Variants in STK32A observed in about 807,000 individuals in gnomAD.
STK32A encodes the protein serine/threonine-protein kinase 32A.
Under a neutral mutation model 53.2 loss-of-function variants are expected in STK32A, and 41 were observed. That is an observed-to-expected ratio of 0.77 (90% CI 0.60 to 1.00). The LOEUF (loss-of-function observed/expected upper bound fraction) is 1.00. Among genes scored for constraint, STK32A ranks in the 50% least tolerant of loss-of-function variants. STK32A has a pLI of 0.00. For missense variants in STK32A, 458 were observed against 485.8 expected, an observed-to-expected ratio of 0.94 and a Z score of 0.54; for synonymous variants, 166 against 162.8, an observed-to-expected ratio of 1.02 and a Z score of -0.15.
the STK32A span, among the ~76,000 whole-genome samples, chr5:147,396,079 G>T: frequency 2.4e-4 from 37 of 152,240 alleles, no homozygotes; most frequent in Non-Finnish European, 4.6e-4. Flanking sequence ...CAGCTGAAGT[G>T]GGAGTGATTA....
At chr5:147,286,183 C>T (rs1229701948) in intron 4 of STK32A, among the ~76,000 whole-genome samples, 1 of 151,872 alleles carries the variant, frequency 6.6e-6, no homozygotes, top group Non-Finnish European at 1.5e-5. Flanking sequence ...AATTGAAAAC[C>T]AAACATCATA....
At chr5:147,379,642 C>T (rs557287591) in intron 11 of STK32A, among the ~76,000 whole-genome samples, 71 of 152,192 alleles carry the variant, frequency 4.7e-4, no homozygotes, top group African/African-American at 1.5e-3. Context: ...TCTTGCTCTG[C>T]TCAACATCTT....
chr5:147,375,305 C>A (rs1280300479), intron 11 of STK32A, 87 bp downstream of exon 11: 3 of 1,489,840 alleles, frequency 2.0e-6, no homozygotes, highest in East Asian at 2.4e-5. Flanking sequence ...GAGGTCATTT[C>A]AGCTTCCTGC....
intron 7 of STK32A, among the ~76,000 whole-genome samples, chr5:147,361,227 AG>A (rs1336738074): frequency 6.6e-6 from 1 of 152,200 alleles, no homozygotes; most frequent in Non-Finnish European, 1.5e-5. Flanking sequence ...CACATATTTG[AG>A]GCCCAATAGG....
At chr5:147,308,254 G>A (rs1288362983) in intron 4 of STK32A, among the ~76,000 whole-genome samples, 4 of 151,776 alleles carry the variant, frequency 2.6e-5, no homozygotes, top group South Asian at 4.2e-4. Context: ...AGTTTTTCAT[G>A]TAGAGGTCTA....
At position 147,387,549 on chromosome 5, in the gene STK32A, C is replaced by T. The variant is rs2152010872; in HGVS notation, c.*3566C>T. The T allele has an allele frequency of 6.6e-6, 1 of 152,306 alleles. No individual in the cohort carries two copies. Among genetic ancestry groups the T allele is most frequent in the South Asian group, 2.1e-4 (1 of 4,826 alleles). The allele number at this position is 152,306 out of a possible 1,614,324, so 9.4% of individuals were successfully genotyped here. A position where few individuals can be genotyped will look rare whatever the true frequency, so the allele number is the denominator to read the frequency against. On this transcript the variant is annotated 3_prime_UTR_variant, in exon 13 of 13. Coordinates refer to ENST00000397936, the MANE Select transcript of STK32A (RefSeq NM_001112724.2). ...AGGCAGTAATGCTAAGGCTTTAGCT[C>T]TTCAAAAGCAGAATGAAAAGGCACA...
the STK32A span, among the ~76,000 whole-genome samples, chr5:147,396,369 C>T: frequency 6.6e-6 from 1 of 152,182 alleles, no homozygotes; most frequent in African/African-American, 2.4e-5. Context: ...GGGCCTTTGG[C>T]CATGGGAAAC....
chr5:147,324,422 A>AAAAG (rs1754478914), intron 5 of STK32A, among the ~76,000 whole-genome samples: 1 of 152,208 alleles, frequency 6.6e-6, no homozygotes, highest in Non-Finnish European at 1.5e-5. Context: ...AAATAGAATG[A>AAAAG]AAAGAAAGAA....
chr5:147,318,615 A>C, intron 4 of STK32A, among the ~76,000 whole-genome samples: 1 of 151,948 alleles, frequency 6.6e-6, no homozygotes, highest in Non-Finnish European at 1.5e-5. Context: ...AAATTAAAAA[A>C]AAAAAAAAGA....
In STK32A at chr5:147,386,572, A is replaced by C. The variant is rs894655802; in HGVS notation, c.*2589A>C. The C allele has an allele frequency of 1.3e-5, 2 of 152,168 alleles. No homozygotes were observed. The highest frequency in any genetic ancestry group is 4.8e-5 in the African/African-American group (2 of 41,454). 9.4% of individuals were successfully genotyped at this position (152,168 alleles called of 1,614,324 possible). On this transcript the variant is annotated 3_prime_UTR_variant, in exon 13 of 13. Coordinates refer to ENST00000397936, the MANE Select transcript of STK32A (RefSeq NM_001112724.2). ...TTCACACGTATACATTTATGATGGG[A>C]TGGGAACCCGATACAATCTCTGTAG...
chr5:147,343,355 C>G, intron 6 of STK32A: 1 of 475,800 alleles, frequency 2.1e-6, no homozygotes, highest in South Asian at 1.9e-5. Context: ...ATATAACACG[C>G]AATCACCTAT....
downstream of STK32A, chr5:147,392,778 C>T (rs1392559250): frequency 6.6e-6 from 1 of 152,166 alleles, no homozygotes; most frequent in Non-Finnish European, 1.5e-5. Context: ...CAAAGTTCCC[C>T]CAGAGTTTCT....
intron 2 of STK32A, among the ~76,000 whole-genome samples, chr5:147,246,506 T>C (rs1268057988): frequency 1.3e-5 from 2 of 152,230 alleles, no homozygotes; most frequent in Non-Finnish European, 2.9e-5. Context: ...ATCTCAGTCT[T>C]CTGCTATTTT....
chr5:147,400,663 G>C, the STK32A span: 7 of 1,608,514 alleles, frequency 4.4e-6, no homozygotes, highest in Non-Finnish European at 5.9e-6. Context: ...TTTGGCTCTG[G>C]CCACCCTCCC....
At chr5:147,335,043 T>C (rs1005897137) in intron 5 of STK32A, among the ~76,000 whole-genome samples, 13 of 152,172 alleles carry the variant, frequency 8.5e-5, no homozygotes, top group Admixed American at 1.3e-4. Flanking sequence ...ATTATAACAA[T>C]ATGCAGAGTA....
In STK32A at chr5:147,257,634, A is replaced by G. The variant is rs1754294132; in HGVS notation, c.52+17948A>G. 2.0e-5 allele frequency among the ~76,000 whole-genome samples: 3 copies of G among 151,872 alleles called. No individual in the cohort carries two copies. The South Asian group carries it at 6.3e-4, about 32-fold the overall frequency. ...GCGCTTTCTTGACTCGGGTGTGATG[A>G]GTCCATCCCTTTTTCACTGTAGAAA... On this transcript the variant is annotated intron_variant, in intron 2 of 12. Transcript: ENST00000397936.
intron 4 of STK32A, among the ~76,000 whole-genome samples, chr5:147,280,478 G>T (rs1359047848): frequency 6.6e-6 from 1 of 151,800 alleles, no homozygotes; most frequent in Non-Finnish European, 1.5e-5. Flanking sequence ...CCGGCCCTTC[G>T]GTTTTCATGG....
intron 2 of STK32A, among the ~76,000 whole-genome samples, chr5:147,263,716 T>C (rs899722969): frequency 2.6e-5 from 4 of 151,972 alleles, no homozygotes; most frequent in Admixed American, 1.3e-4. Context: ...TATAAGAACA[T>C]TTAATGGCCA....
At chr5:147,400,904 T>A in the STK32A span, 2 of 1,560,632 alleles carry the variant, frequency 1.3e-6, no homozygotes, top group Non-Finnish European at 1.7e-6. Flanking sequence ...TAGAGTCTTG[T>A]GTTTACTGTG....
Sources: gnomAD v4.1 joint callset for allele counts (sites outside exome capture counted in the v4.1 genomes callset) on GRCh38, gnomAD v4.1.1 for gene constraint, MANE v1.5 for transcripts, NCBI Gene and HGNC (gene_info 2026-07-23, HGNC 2026-07-21) for gene names.